Variants in ZDHHC3 observed in about 807,000 individuals in gnomAD.
ZDHHC3 encodes the protein zDHHC palmitoyltransferase 3.
A neutral mutation model predicts 30.6 loss-of-function variants in ZDHHC3; 9 were observed. That is an observed-to-expected ratio of 0.29 (90% confidence interval 0.18 to 0.51). The LOEUF is 0.51. ZDHHC3 is among the 20% of genes least tolerant of loss of function. The pLI is 0.97. For synonymous variants in ZDHHC3, 136 were observed against 140.2 expected (o/e 0.97, Z 0.21); for missense variants, 246 against 384.2 (o/e 0.64, Z 3.01).
In ZDHHC3 at chr3:44,920,467, T is replaced by C. The variant is rs1164783562; in HGVS notation, c.*6222A>G. On this transcript the variant is annotated 3_prime_UTR_variant, in exon 7 of 7. Transcript: ENST00000424952. ...CCACACTGACTTGGACTCAAAGCCATGACCATAGGTTTTTATGGCCTCCTT... is the reference window on the plus strand; with the variant it reads ...CCACACTGACTTGGACTCAAAGCCACGACCATAGGTTTTTATGGCCTCCTT... The C allele has an allele frequency of 1.6e-6, 2 of 1,216,870 alleles. No homozygotes were observed. The highest frequency in any genetic ancestry group is 1.2e-4 in the East Asian group (2 of 17,286). The allele number at this position is 1,216,870 out of a possible 1,614,324, so 75.4% of individuals were successfully genotyped here.
At chr3:44,948,672 C>T (rs1316671206) in intron 2 of ZDHHC3, among the ~76,000 whole-genome samples, 1 of 152,160 alleles carries the variant, frequency 6.6e-6, no homozygotes, top group East Asian at 1.9e-4. Flanking sequence ...CCTAGGAAGG[C>T]CAGGAGGATC....
chr3:44,949,835 T>A (rs1703279082), intron 2 of ZDHHC3, among the ~76,000 whole-genome samples: 1 of 152,118 alleles, frequency 6.6e-6, no homozygotes. Context: ...TATTTTTCAT[T>A]ATTTTTTCTT....
At chr3:44,929,032 G>A (rs952014714) in intron 6 of ZDHHC3, among the ~76,000 whole-genome samples, 2 of 152,204 alleles carry the variant, frequency 1.3e-5, no homozygotes, top group Non-Finnish European at 2.9e-5. Flanking sequence ...ACCTGCCATG[G>A]GGGGGATGGA....
chr3:44,934,642 G>A lies in ZDHHC3; in HGVS notation c.432-658C>T, dbSNP rs12715405. Among the ~76,000 whole-genome samples, 1,375 of 150,444 alleles carry A rather than the reference G, an allele frequency of 9.1e-3. 23 individuals are homozygous for A. The highest frequency in any genetic ancestry group is 0.029 in the African/African-American group (1,196 of 40,922). On this transcript the variant is annotated intron_variant, in intron 3 of 6. Transcript: ENST00000424952. The stretch of plus-strand genomic sequence containing the variant: ...TCCAGGCGCAGTGGCCTGTAATCCC[G>A]GCACTTTGCGAAGCTGAGATGGGCA...
intron 4 of ZDHHC3, 35 bp downstream of exon 4, chr3:44,933,853 A>T (rs760337595): frequency 5.0e-6 from 8 of 1,591,306 alleles, no homozygotes; most frequent in Admixed American, 5.0e-5. Context: ...CCATTGCTTC[A>T]TGGGGGGCAG....
intron 3 of ZDHHC3, 137 bp downstream of exon 3, chr3:44,945,031 C>T: frequency 7.9e-7 from 1 of 1,270,934 alleles, no homozygotes; most frequent in Non-Finnish European, 1.1e-6. Context: ...CTGCCCAGAG[C>T]AGGGGACATT....
Position 44,929,521 on chromosome 3 carries a change from G to A in ZDHHC3, c.611-85C>T, listed in dbSNP as rs114092152. On this transcript the variant is annotated intron_variant, in intron 5 of 6. Transcript: ENST00000424952. ...CACTGCCCCACTAGGCGCCCACTCT[G>A]CCTCCTGCTTGCAGGCCTTCATTCC... The A allele has an allele frequency of 1.4e-3, 2,101 of 1,552,200 alleles. 21 individuals are homozygous for A. The African/African-American group carries it at 0.024, about 18-fold the overall frequency.
intron 5 of ZDHHC3, chr3:44,932,837 T>G: frequency 6.7e-6 from 10 of 1,494,858 alleles, no homozygotes; most frequent in Non-Finnish European, 9.3e-6. Context: ...CCTCTGTGCT[T>G]GCTTGGGGCC....
rs1700180344 is a variant in ZDHHC3, at chr3:44,916,550, T to G, written c.*10139A>C. The G allele has an allele frequency of 6.6e-6, 1 of 152,370 alleles. No individual in the cohort carries two copies. 9.4% of individuals were successfully genotyped at this position (152,370 alleles called of 1,614,324 possible). A position where few individuals can be genotyped will look rare whatever the true frequency, so the allele number is the denominator to read the frequency against. ...GAGGTCTTGCAGGGGCATGCTCTGCTGAGTGCCTGTGCTCCTGCCAATCCT... is the reference window on the plus strand; with the variant it reads ...GAGGTCTTGCAGGGGCATGCTCTGCGGAGTGCCTGTGCTCCTGCCAATCCT... On this transcript the variant is annotated 3_prime_UTR_variant, in exon 7 of 7. Transcript: ENST00000424952.
chr3:44,960,394 C>A (rs756539577), intron 1 of ZDHHC3, among the ~76,000 whole-genome samples: 2 of 152,198 alleles, frequency 1.3e-5, no homozygotes, highest in African/African-American at 4.8e-5. Context: ...AGGTTATGCA[C>A]ATGTATTTTC....
intron 2 of ZDHHC3, chr3:44,958,484 G>T: frequency 1.0e-6 from 1 of 967,580 alleles, no homozygotes; most frequent in Non-Finnish European, 1.6e-6. Flanking sequence ...AGAACAGAGG[G>T]TTTAATACCA....
At chr3:44,944,084 C>T (rs1416888582) in intron 3 of ZDHHC3, among the ~76,000 whole-genome samples, 1 of 152,172 alleles carries the variant, frequency 6.6e-6, no homozygotes, top group Non-Finnish European at 1.5e-5. Context: ...TCAAGCGATG[C>T]TCTGCCCTCA....
chr3:44,929,582 G>A, intron 5 of ZDHHC3, 146 bp from the exon 6 acceptor site: 10 of 1,118,164 alleles, frequency 8.9e-6, no homozygotes, highest in South Asian at 3.1e-5. Context: ...TCCAGGCTAC[G>A]GTGAGAATCA....
chr3:44,925,367 T>G lies in ZDHHC3; in HGVS notation c.*1322A>C, dbSNP rs1185281755. The G allele has an allele frequency of 1.0e-6, 1 of 985,706 alleles. No homozygotes were observed. The highest frequency in any genetic ancestry group is 1.2e-6 in the Non-Finnish European group (1 of 829,936). The allele number at this position is 985,706 out of a possible 1,614,324, so 61.1% of individuals were successfully genotyped here. A position where few individuals can be genotyped will look rare whatever the true frequency, so the allele number is the denominator to read the frequency against. ...AGCTAAAAAAGGGGGTTTCTGGCAA[T>G]TGCTTAAAAAACAAATCAATGTGTG... On this transcript the variant is annotated 3_prime_UTR_variant, in exon 7 of 7. Transcript: ENST00000424952.
intron 1 of ZDHHC3, among the ~76,000 whole-genome samples, chr3:44,974,136 A>G (rs1705663731): frequency 6.6e-6 from 1 of 152,252 alleles, no homozygotes; most frequent in Admixed American, 6.5e-5. Flanking sequence ...TAGACAATTT[A>G]AAAAGGAACA....
chr3:44,935,315 A>G (rs1701857470), intron 3 of ZDHHC3, among the ~76,000 whole-genome samples: 2 of 152,068 alleles, frequency 1.3e-5, no homozygotes, highest in African/African-American at 4.8e-5. Flanking sequence ...TTCCTCTGTC[A>G]CCCAGGCTAG....
chr3:44,975,390 G>A (rs1257728628), intron 1 of ZDHHC3: 1 of 152,216 alleles, frequency 6.6e-6, no homozygotes. Context: ...GTTCCCGCTA[G>A]GAAGCGTTGG....
In ZDHHC3 at chr3:44,918,222, C is replaced by A; in HGVS notation, c.*8467G>T. The A allele has an allele frequency of 1.7e-6, 2 of 1,160,028 alleles. No homozygotes were observed. Among genetic ancestry groups the A allele is most frequent in the Non-Finnish European group, 2.2e-6 (2 of 919,062 alleles). The allele number at this position is 1,160,028 out of a possible 1,614,324, so 71.9% of individuals were successfully genotyped here. ...CTCACATAGACACCCCCAGCTATAG[C>A]ATAGCAGTGGCGGGGGGGGGGGCGG... On this transcript the variant is annotated 3_prime_UTR_variant, in exon 7 of 7. Transcript: ENST00000424952.
chr3:44,943,928 C>T (rs1702669243), intron 3 of ZDHHC3, among the ~76,000 whole-genome samples: 1 of 152,108 alleles, frequency 6.6e-6, no homozygotes, highest in African/African-American at 2.4e-5. Flanking sequence ...TCTGAAGCCG[C>T]AGTGAGCTAT....
Sources: allele counts gnomAD v4.1 joint callset (sites outside exome capture counted in the v4.1 genomes callset), GRCh38; gene constraint gnomAD v4.1.1; transcripts MANE v1.5; gene names NCBI Gene and HGNC (gene_info 2026-07-23, HGNC 2026-07-21).